GGT1: variants seen among roughly 807,000 people sequenced by gnomAD.
GGT1 encodes gamma-glutamyltransferase 1, also known as glutathione hydrolase 1 proenzyme.
In GGT1, 21 loss-of-function variants were observed where a neutral mutation model predicts 56.0. The ratio of observed to expected loss-of-function variants is 0.38; its 90% CI spans 0.27 to 0.54. GGT1 has a LOEUF of 0.54. GGT1 is among the 20% of genes least tolerant of loss of function. GGT1 has a pLI of 0.82. For missense variants in GGT1, 466 were observed against 787.0 expected (o/e 0.59, Z 4.88); for synonymous variants, 238 against 342.6 (o/e 0.69, Z 3.37).
At chr22:24,625,819 G>A (rs1471852691) in intron 11 of GGT1, among the ~76,000 whole-genome samples, 1 of 150,768 alleles carries the variant, frequency 6.6e-6, no homozygotes, top group Admixed American at 6.6e-5. Context: ...ATGAGCCACC[G>A]TGCCTGGCCT....
upstream of GGT1, among the ~76,000 whole-genome samples, chr22:24,593,680 G>C (rs1012145349): frequency 1.5e-4 from 23 of 151,984 alleles, no homozygotes; most frequent in Admixed American, 1.5e-3. Flanking sequence ...CCAGCTATTC[G>C]GGAGGTTGAG....
At chr22:24,586,219 C>A in the GGT1 span, 17 of 1,613,616 alleles carry the variant, frequency 1.1e-5, no homozygotes, top group Admixed American at 3.3e-5. Context: ...GGGGCAGCGC[C>A]CACAGGCTGG....
rs751207323 is a variant in GGT1 at position 24,607,954 on chromosome 22, C to T, written c.-428C>T. 5 of 467,858 alleles carry T rather than the reference C, an allele frequency of 1.1e-5. No individual in the cohort carries two copies. The highest frequency in any genetic ancestry group is 4.7e-5 in the Admixed American group (2 of 42,392). 29.0% of individuals were successfully genotyped at this position (467,858 alleles called of 1,614,324 possible). ...GACAAGTCTGTCTCTTCCTCCCCAG[C>T]GGGTGCAGCCCAGAACTGTCTTCTG... On this transcript the variant is annotated splice_region_variant and 5_prime_UTR_variant, in exon 2 of 16. Transcript: ENST00000400382.
At position 24,605,642 on chromosome 22, in the gene GGT1, A is replaced by ATAATATTATATAATGTGTATTATATATT. The variant is rs1430270464; in HGVS notation, c.-429+2172_-429+2199dup. On this transcript the variant is annotated intron_variant, in intron 1 of 15. Transcript: ENST00000400382. ...ATATTATATAATGTGTATTATATAT[A>ATAATATTATATAATGTGTATTATATATT]TAATATTATATAATGTGTATTATAT... 3.4e-3 allele frequency among the ~76,000 whole-genome samples: 66 copies of ATAATATTATATAATGTGTATTATATATT among 19,394 alleles called. 21 individuals are homozygous for ATAATATTATATAATGTGTATTATATATT. Among genetic ancestry groups the ATAATATTATATAATGTGTATTATATATT allele is most frequent in the South Asian group, 6.5e-3 (4 of 612 alleles). 12.7% of individuals were successfully genotyped at this position (19,394 alleles called of 152,430 possible). A position where few individuals can be genotyped will look rare whatever the true frequency, so the allele number is the denominator to read the frequency against.
chr22:24,584,578 G>A, the GGT1 span, among the ~76,000 whole-genome samples: 2 of 152,170 alleles, frequency 1.3e-5, no homozygotes, highest in African/African-American at 2.4e-5. Flanking sequence ...GGATGGATGC[G>A]CCGCTTACAG....
chr22:24,617,664 G>C lies in GGT1; in HGVS notation c.382+2537G>C, dbSNP rs374632746. Among the ~76,000 whole-genome samples, 95 of 152,126 alleles carry C rather than the reference G, an allele frequency of 6.2e-4. No homozygotes were observed. In the South Asian group the frequency reaches 0.019, roughly 31 times the overall value. ...TAATGGAGACAGGCAGGGTTCTCAG[G>C]AAGCAGGTTGAGCAGACACTCAGGA... On this transcript the variant is annotated intron_variant, in intron 7 of 15. Coordinates refer to ENST00000400382, the MANE Select transcript of GGT1 (RefSeq NM_001288833.2).
rs377305330 is a variant in GGT1 at position 24,618,162 on chromosome 22, T to C, written c.383-2166T>C. On this transcript the variant is annotated intron_variant, in intron 7 of 15. Transcript: ENST00000400382. Reference sequence around the variant, plus strand: ...AGAGTGTATAATGATCAAGGCAGGGTATTTGGAGTCTCCGTCACCTTGAAT... The same window carrying C: ...AGAGTGTATAATGATCAAGGCAGGGCATTTGGAGTCTCCGTCACCTTGAAT... 6.7e-4 allele frequency among the ~76,000 whole-genome samples: 102 copies of C among 152,214 alleles called. 1 individual carries two copies. The South Asian group carries it at 0.021, about 31-fold the overall frequency.
upstream of GGT1, among the ~76,000 whole-genome samples, chr22:24,590,816 C>T (rs1215836587): frequency 6.6e-6 from 1 of 152,188 alleles, no homozygotes; most frequent in Non-Finnish European, 1.5e-5. Flanking sequence ...GTATAGGGCA[C>T]CTCCATGACC....
chr22:24,591,133 G>A (rs928946813), upstream of GGT1, among the ~76,000 whole-genome samples: 15 of 152,250 alleles, frequency 9.9e-5, no homozygotes, highest in African/African-American at 3.6e-4. Flanking sequence ...GGGCTGGGGC[G>A]CAGTGGTGCG....
chr22:24,605,240 T>C (rs1343054957), intron 1 of GGT1, among the ~76,000 whole-genome samples: 4 of 58,522 alleles, frequency 6.8e-5, no homozygotes, highest in Non-Finnish European at 8.1e-5. Flanking sequence ...TATTATATTA[T>C]ATATTATATA....
chr22:24,583,764 A>G, the GGT1 span: 1 of 471,208 alleles, frequency 2.1e-6, no homozygotes, highest in Admixed American at 2.3e-5. Context: ...GGATTCTCCC[A>G]GAGATTGCCT....
chr22:24,621,954 C>T (rs2330852), intron 9 of GGT1, among the ~76,000 whole-genome samples: 2 of 150,836 alleles, frequency 1.3e-5, no homozygotes, highest in African/African-American at 4.9e-5. Flanking sequence ...GGAGGCTGTG[C>T]CAGGAGAATC....
chr22:24,593,605 G>A (rs917954441), upstream of GGT1, among the ~76,000 whole-genome samples: 8 of 152,096 alleles, frequency 5.3e-5, no homozygotes, highest in African/African-American at 1.9e-4. Context: ...GGCTAACATG[G>A]TGAAACCACA....
chr22:24,585,180 ACCCT>A, the GGT1 span, among the ~76,000 whole-genome samples: 1 of 152,050 alleles, frequency 6.6e-6, no homozygotes, highest in African/African-American at 2.4e-5. Flanking sequence ...GCAGCACTGT[ACCCT>A]GTGGGAGGCA....
chr22:24,604,661 C>T (rs796399169), intron 1 of GGT1, among the ~76,000 whole-genome samples: 1 of 152,014 alleles, frequency 6.6e-6, no homozygotes, highest in Non-Finnish European at 1.5e-5. Context: ...CCCTGCAGTC[C>T]TTCCTCAGGT....
chr22:24,614,348 CAAAAAAAAAAAA>C (rs534749815), intron 5 of GGT1, among the ~76,000 whole-genome samples: 8 of 10,748 alleles, frequency 7.4e-4, no homozygotes, highest in East Asian at 2.5e-3. Flanking sequence ...GACTTTGTCT[CAAAAAAAAAAAA>C]AAAAAAAAAA....
At chr22:24,591,983 C>T (rs1004270350), upstream of GGT1, among the ~76,000 whole-genome samples, 11 of 152,254 alleles carry the variant, frequency 7.2e-5, no homozygotes, top group Admixed American at 7.2e-4. Flanking sequence ...CACATTTTCT[C>T]TGTGGGCCCT....
chr22:24,615,471 C>T (rs992555355), intron 7 of GGT1, among the ~76,000 whole-genome samples: 2 of 152,242 alleles, frequency 1.3e-5, no homozygotes, highest in African/African-American at 4.8e-5. Context: ...ACCCTCCCTG[C>T]TCCTTTGGGC....
chr22:24,602,861 C>T (rs1289298600), upstream of GGT1, among the ~76,000 whole-genome samples: 5 of 152,180 alleles, frequency 3.3e-5, no homozygotes, highest in East Asian at 7.7e-4. Flanking sequence ...CCCCTCCTGG[C>T]GTGGGCATCT....
Sources: gnomAD v4.1 joint callset for allele counts (sites outside exome capture counted in the v4.1 genomes callset) on GRCh38, gnomAD v4.1.1 for gene constraint, MANE v1.5 for transcripts, NCBI Gene and HGNC (gene_info 2026-07-23, HGNC 2026-07-21) for gene names.